The following SLC9A9 variants were observed in gnomAD, a reference collection of about 807,000 sequenced individuals.
The protein encoded by SLC9A9 is solute carrier family 9 member A9.
Under a neutral mutation model 77.8 loss-of-function variants are expected in SLC9A9, and 62 were observed. That is an observed-to-expected ratio of 0.80 (90% confidence interval 0.65 to 0.98). SLC9A9 has a LOEUF of 0.98. Among genes scored for constraint, SLC9A9 ranks in the 50% least tolerant of loss-of-function variants. The probability of loss-of-function intolerance (pLI) is 0.00; values close to 1 mark genes in which losing one functional copy is unlikely to be tolerated. For missense variants in SLC9A9, 775 were observed against 774.9 expected, an observed-to-expected ratio of 1.00 and a Z score of 0.00; for synonymous variants, 320 against 283.5, an observed-to-expected ratio of 1.13 and a Z score of -1.29.
Position 143,393,486 on chromosome 3 carries a change from C to T in SLC9A9, c.1470-11372G>A, listed in dbSNP as rs370925572. Among the ~76,000 whole-genome samples, 14 of 152,174 alleles carry T rather than the reference C, an allele frequency of 9.2e-5. No homozygotes were observed. In the East Asian group the frequency reaches 2.7e-3, roughly 29 times the overall value. On this transcript the variant is annotated intron_variant, in intron 12 of 15. Transcript: ENST00000316549. ...GGAAACTTATAGCACTAAATGCCTA[C>T]AAGAAAAAGGAGGAAAGATCTAAAA...
intron 5 of SLC9A9, among the ~76,000 whole-genome samples, chr3:143,678,270 T>C (rs755781957): frequency 4.4e-4 from 67 of 152,320 alleles, no homozygotes; most frequent in Non-Finnish European, 3.7e-4. Flanking sequence ...CTATTGACTG[T>C]TTATGGTGTC....
chr3:143,809,290 T>C (rs6798653), intron 2 of SLC9A9, among the ~76,000 whole-genome samples: 2,798 of 152,334 alleles, frequency 0.018, 117 homozygotes, highest in East Asian at 0.17. Context: ...ATTCCCTGCA[T>C]GCAGGTTAAC....
intron 12 of SLC9A9, among the ~76,000 whole-genome samples, chr3:143,413,005 A>G (rs1205496190): frequency 6.6e-6 from 1 of 152,238 alleles, no homozygotes; most frequent in Non-Finnish European, 1.5e-5. Flanking sequence ...GGTCCTGAAC[A>G]TCCAGGGATT....
intron 7 of SLC9A9, among the ~76,000 whole-genome samples, chr3:143,574,911 G>A (rs1316881516): frequency 6.6e-6 from 1 of 152,166 alleles, no homozygotes; most frequent in Non-Finnish European, 1.5e-5. Context: ...ATGGGAAAGG[G>A]TTAGGTTGCA....
At chr3:143,458,375 TG>T (rs2035130820) in intron 12 of SLC9A9, among the ~76,000 whole-genome samples, 1 of 152,152 alleles carries the variant, frequency 6.6e-6, no homozygotes, top group African/African-American at 2.4e-5. Context: ...GTTTTTAATC[TG>T]CCTTGACAAT....
chr3:143,398,032 T>C (rs1199719538), intron 12 of SLC9A9, among the ~76,000 whole-genome samples: 3 of 152,122 alleles, frequency 2.0e-5, no homozygotes, highest in African/African-American at 7.2e-5. Flanking sequence ...TTTGCAAAAT[T>C]GATGGATAGG....
chr3:143,399,280 G>A (rs957520589), intron 12 of SLC9A9, among the ~76,000 whole-genome samples: 4 of 151,996 alleles, frequency 2.6e-5, no homozygotes, highest in Non-Finnish European at 4.4e-5. Context: ...TTGCTGAGAC[G>A]GATTAAAGTA....
intron 8 of SLC9A9, among the ~76,000 whole-genome samples, chr3:143,571,035 A>G (rs1279394988): frequency 6.6e-6 from 1 of 152,158 alleles, no homozygotes; most frequent in Non-Finnish European, 1.5e-5. Context: ...GTGATATCCC[A>G]ATTTCTGAAA....
intron 12 of SLC9A9, among the ~76,000 whole-genome samples, chr3:143,435,613 A>G (rs1323510695): frequency 6.6e-6 from 1 of 152,186 alleles, no homozygotes; most frequent in African/African-American, 2.4e-5. Flanking sequence ...ATTGCCTGAC[A>G]CGTTAGACTT....
chr3:143,384,655 G>C (rs2033379298), intron 12 of SLC9A9, among the ~76,000 whole-genome samples: 1 of 152,150 alleles, frequency 6.6e-6, no homozygotes, highest in Non-Finnish European at 1.5e-5. Flanking sequence ...TCTTTCATTT[G>C]ATGGGGACTC....
chr3:143,827,405 T>A (rs1337952939), intron 2 of SLC9A9, among the ~76,000 whole-genome samples: 1 of 152,222 alleles, frequency 6.6e-6, no homozygotes, highest in African/African-American at 2.4e-5. Context: ...AATCTTTAAG[T>A]GAAAATATTT....
chr3:143,422,127 A>T (rs1170072394), intron 12 of SLC9A9, among the ~76,000 whole-genome samples: 1 of 152,188 alleles, frequency 6.6e-6, no homozygotes, highest in Admixed American at 6.5e-5. Context: ...GAGAAAAGGG[A>T]ACTCATACAC....
At chr3:143,767,329 C>T (rs375673311) in intron 4 of SLC9A9, among the ~76,000 whole-genome samples, 99 of 151,578 alleles carry the variant, frequency 6.5e-4, no homozygotes, top group Non-Finnish European at 9.1e-4. Context: ...GATGAGATGG[C>T]GCTGCCTTTC....
chr3:143,731,542 A>G (rs924460589), intron 4 of SLC9A9, among the ~76,000 whole-genome samples: 1 of 152,154 alleles, frequency 6.6e-6, no homozygotes, highest in Non-Finnish European at 1.5e-5. Flanking sequence ...GTCCTCAGTC[A>G]TACTTCTGAG....
intron 6 of SLC9A9, among the ~76,000 whole-genome samples, chr3:143,641,000 C>T (rs2108738134): frequency 1.3e-5 from 2 of 152,244 alleles, no homozygotes; most frequent in East Asian, 3.9e-4. Flanking sequence ...TTGTGTACCA[C>T]CCACAGAGAT....
intron 2 of SLC9A9, among the ~76,000 whole-genome samples, chr3:143,829,432 G>A (rs2009380440): frequency 6.6e-6 from 1 of 151,988 alleles, no homozygotes; most frequent in Non-Finnish European, 1.5e-5. Flanking sequence ...ACCCTGCCCT[G>A]ATGGCCATTC....
At chr3:143,738,223 T>A (rs1934992286) in intron 4 of SLC9A9, among the ~76,000 whole-genome samples, 1 of 152,198 alleles carries the variant, frequency 6.6e-6, no homozygotes, top group Non-Finnish European at 1.5e-5. Flanking sequence ...CAGAAATTAC[T>A]CTTACAATGG....
intron 6 of SLC9A9, among the ~76,000 whole-genome samples, chr3:143,639,291 A>G (rs542529396): frequency 1.3e-5 from 2 of 152,294 alleles, no homozygotes; most frequent in East Asian, 3.9e-4. Context: ...ACCTTTGGAA[A>G]TCTTTCCTTG....
At chr3:143,623,042 T>C (rs532813600) in intron 6 of SLC9A9, among the ~76,000 whole-genome samples, 1 of 152,208 alleles carries the variant, frequency 6.6e-6, no homozygotes, top group East Asian at 1.9e-4. Context: ...GGTAAAGAGA[T>C]CAATTCAACA....
Sources: gnomAD v4.1 joint callset for allele counts (sites outside exome capture counted in the v4.1 genomes callset) on GRCh38, gnomAD v4.1.1 for gene constraint, MANE v1.5 for transcripts, NCBI Gene and HGNC (gene_info 2026-07-23, HGNC 2026-07-21) for gene names.